DOCK8: variants seen among roughly 807,000 people sequenced by gnomAD.
The protein encoded by DOCK8 is dedicator of cytokinesis protein 8.
A neutral mutation model predicts 245.6 loss-of-function variants in DOCK8; 141 were observed. The observed-to-expected ratio is 0.57, with a 90% CI of 0.50 to 0.66. The LOEUF is 0.66. Ranked by LOEUF, DOCK8 falls within the 30% of genes least tolerant of loss-of-function variation. DOCK8 has a pLI of 0.00. For missense variants in DOCK8, 2,965 were observed against 2,603.4 expected, an observed-to-expected ratio of 1.14 and a Z score of -3.02; for synonymous variants, 1,168 against 970.2, an observed-to-expected ratio of 1.20 and a Z score of -3.79.
At chr9:325,012 C>A (rs933146434) in intron 7 of DOCK8, among the ~76,000 whole-genome samples, 2 of 152,106 alleles carry the variant, frequency 1.3e-5, no homozygotes, top group Non-Finnish European at 2.9e-5. Context: ...GTCCATTATA[C>A]CACTCTGTTT....
chr9:315,747 T>C (rs556486574), intron 6 of DOCK8, among the ~76,000 whole-genome samples: 27 of 152,324 alleles, frequency 1.8e-4, no homozygotes, highest in African/African-American at 6.5e-4. Context: ...GGTTCTTCAT[T>C]GCATTGCTCT....
intron 2 of DOCK8, among the ~76,000 whole-genome samples, chr9:281,417 T>C (rs753866329): frequency 6.6e-6 from 1 of 152,204 alleles, no homozygotes; most frequent in South Asian, 2.1e-4. Context: ...AGACCACATA[T>C]AGCAGAACAG....
At position 230,726 on chromosome 9, in the gene DOCK8, T is replaced by TCGC. The variant is rs1338910917; in HGVS notation, c.53+15699_53+15701dup. Among the ~76,000 whole-genome samples the TCGC allele has an allele frequency of 2.6e-5, 4 of 151,784 alleles. No homozygotes were observed. In the East Asian group the frequency reaches 7.7e-4, roughly 29 times the overall value. On this transcript the variant is annotated intron_variant, in intron 1 of 47. Transcript: ENST00000432829. Reference sequence around the variant, plus strand: ...TTTGAGAAGTGTTTGTTCATATCCTTCGCCCACTTTTTGATGGGGTTGTTT... The same window carrying TCGC: ...TTTGAGAAGTGTTTGTTCATATCCTTCGCCGCCCACTTTTTGATGGGGTTGTTT...
At chr9:421,681 T>TGG (rs1306641095) in intron 32 of DOCK8, among the ~76,000 whole-genome samples, 2 of 152,194 alleles carry the variant, frequency 1.3e-5, no homozygotes, top group Admixed American at 6.5e-5. Flanking sequence ...AGGGACACAG[T>TGG]GGCAGGGAAC....
At chr9:357,923 T>A (rs1206265597) in intron 14 of DOCK8, among the ~76,000 whole-genome samples, 1 of 152,226 alleles carries the variant, frequency 6.6e-6, no homozygotes, top group Non-Finnish European at 1.5e-5. Flanking sequence ...TTTCACTGGT[T>A]CCTTTGTGAA....
At chr9:382,346 C>G (rs932135091) in intron 21 of DOCK8, among the ~76,000 whole-genome samples, 167 bp from the exon 22 acceptor site, 3 of 152,168 alleles carry the variant, frequency 2.0e-5, no homozygotes, top group Middle Eastern at 3.2e-3. Flanking sequence ...CTACTTCTCT[C>G]CAAAAGATTG....
At chr9:454,997 G>C (rs915643032) in intron 46 of DOCK8, among the ~76,000 whole-genome samples, 2 of 152,178 alleles carry the variant, frequency 1.3e-5, no homozygotes, top group African/African-American at 2.4e-5. Context: ...ATTCTCCCCA[G>C]ATGGCCTACA....
chr9:256,024 G>C (rs1371241993), intron 1 of DOCK8, among the ~76,000 whole-genome samples: 1 of 152,198 alleles, frequency 6.6e-6, no homozygotes, highest in Non-Finnish European at 1.5e-5. Flanking sequence ...TTATTAAGAA[G>C]TGATTTAAGA....
rs553012784 is a variant in DOCK8 at position 356,479 on chromosome 9, G to A, written c.1680-11539G>A. Among the ~76,000 whole-genome samples the A allele has an allele frequency of 3.4e-5, 5 of 148,980 alleles. No homozygotes were observed. In the Admixed American group the frequency reaches 3.4e-4, roughly 10 times the overall value. ...CAGGAGGCAGAGCTTGCAGCGAGGC[G>A]AGATTGCACCACTGCACTCCAGCCT... On this transcript the variant is annotated intron_variant, in intron 14 of 47. Transcript: ENST00000432829.
intron 7 of DOCK8, among the ~76,000 whole-genome samples, chr9:324,274 T>C (rs2050654982): frequency 6.6e-6 from 1 of 152,204 alleles, no homozygotes; most frequent in African/African-American, 2.4e-5. Context: ...TTCTAAAAAG[T>C]CCTCTTTTGA....
At chr9:269,254 T>C (rs2048102094) in intron 1 of DOCK8, among the ~76,000 whole-genome samples, 1 of 152,210 alleles carries the variant, frequency 6.6e-6, no homozygotes, top group South Asian at 2.1e-4. Flanking sequence ...AAATCTACTT[T>C]CTGTCTGTAT....
At chr9:234,962 G>A (rs1245151526) in intron 1 of DOCK8, among the ~76,000 whole-genome samples, 2 of 152,186 alleles carry the variant, frequency 1.3e-5, no homozygotes, top group Non-Finnish European at 2.9e-5. Flanking sequence ...CTTTGCAGGA[G>A]GAGAGGCACT....
Position 368,129 on chromosome 9 carries a change from G to C in DOCK8, c.1791G>C (p.Ala597=). ...TGTGTGGAGAAGATGCTAGCAATGCGATGCCGGTAAGGAGGGAAACGAACA... is the reference window on the plus strand; with the variant it reads ...TGTGTGGAGAAGATGCTAGCAATGCCATGCCGGTAAGGAGGGAAACGAACA... ...QFMCGEDASN[A]MPVIFGKSSG... Residue 597 remains alanine, a synonymous_variant, in exon 15 of 48, where the codon GCG becomes GCC. Transcript: ENST00000432829. The C allele has an allele frequency of 6.2e-7, 1 of 1,613,602 alleles. No individual in the cohort carries two copies. Among genetic ancestry groups the C allele is most frequent in the Non-Finnish European group, 8.5e-7 (1 of 1,179,508 alleles).
At chr9:215,336 G>T in intron 1 of DOCK8, 1 of 1,602,350 alleles carries the variant, frequency 6.2e-7, no homozygotes, top group Non-Finnish European at 8.5e-7. Context: ...CAGGTGGCCG[G>T]GTCCCAGAAG....
intron 5 of DOCK8, among the ~76,000 whole-genome samples, chr9:307,220 A>G (rs2049875205): frequency 6.6e-6 from 1 of 152,148 alleles, no homozygotes; most frequent in Admixed American, 6.5e-5. Flanking sequence ...CAAGGCATAA[A>G]AGGGTGAATT....
At chr9:414,682 C>T in intron 28 of DOCK8, 100 bp from the exon 29 acceptor site, 1 of 1,442,766 alleles carries the variant, frequency 6.9e-7, no homozygotes, top group Non-Finnish European at 9.7e-7. Context: ...TCACAGTCAC[C>T]TCATTGCTTA....
At chr9:428,999 G>T (rs755891943) in intron 35 of DOCK8, among the ~76,000 whole-genome samples, 2 of 151,894 alleles carry the variant, frequency 1.3e-5, no homozygotes, top group Non-Finnish European at 2.9e-5. Flanking sequence ...ACTGAGTCTC[G>T]CTCTATCGCC....
At chr9:290,805 C>A in intron 4 of DOCK8, among the ~76,000 whole-genome samples, 1 of 152,156 alleles carries the variant, frequency 6.6e-6, no homozygotes, top group East Asian at 1.9e-4. Context: ...GTAAGAATTA[C>A]TATTCTATGG....
chr9:414,078 G>T (rs2055877837), intron 28 of DOCK8, among the ~76,000 whole-genome samples: 1 of 151,000 alleles, frequency 6.6e-6, no homozygotes, highest in African/African-American at 2.4e-5. Context: ...GGAGGTGGAG[G>T]TTGCAGTGAG....
Sources: gnomAD v4.1 joint callset for allele counts (sites outside exome capture counted in the v4.1 genomes callset) on GRCh38, gnomAD v4.1.1 for gene constraint, MANE v1.5 for transcripts, NCBI Gene and HGNC (gene_info 2026-07-23, HGNC 2026-07-21) for gene names.